The following RAB11FIP5 variants were observed in gnomAD, a reference collection of about 807,000 sequenced individuals.
The protein encoded by RAB11FIP5 is RAB11 family interacting protein 5, also known as rab11 family-interacting protein 5.
In RAB11FIP5, 48 loss-of-function variants were observed where a neutral mutation model predicts 85.1. The ratio of observed to expected loss-of-function variants is 0.56; its 90% CI spans 0.45 to 0.72. The LOEUF (loss-of-function observed/expected upper bound fraction) is 0.72, where lower values mean the gene tolerates loss of function less well. RAB11FIP5 is among the 30% of genes least tolerant of loss of function. The probability of loss-of-function intolerance (pLI) is 0.00; values close to 1 mark genes in which losing one functional copy is unlikely to be tolerated. For synonymous variants in RAB11FIP5, 729 were observed against 727.3 expected, an observed-to-expected ratio of 1.00 and a Z score of -0.04; for missense variants, 1,491 against 1,687.0, an observed-to-expected ratio of 0.88 and a Z score of 2.04.
Position 73,088,234 on chromosome 2 carries a change from T to A in RAB11FIP5, c.1384A>T (p.Met462Leu). The change falls in exon 3 of 6, where the codon ATG becomes TTG. Residue 462 changes from methionine to leucine, a missense_variant. Transcript: ENST00000486777. ...TGGTGGTGGTGGTGGAAGAGACCCA[T>A]CCGGGGCTTGCGTTCCTCCTTCCGG... is the stretch of plus-strand genomic sequence containing the variant. ...GARKEERKPR[M>L]GLFHHHHQGL... 1 of 1,613,874 alleles carries A rather than the reference T, an allele frequency of 6.2e-7. No homozygotes were observed. Among genetic ancestry groups the A allele is most frequent in the South Asian group, 1.1e-5 (1 of 91,080 alleles).
intron 1 of RAB11FIP5, among the ~76,000 whole-genome samples, chr2:73,110,091 A>G (rs1684609247): frequency 6.6e-6 from 1 of 152,150 alleles, no homozygotes; most frequent in Non-Finnish European, 1.5e-5. Flanking sequence ...CTTCCTAACC[A>G]TAAGGGTACC....
At chr2:73,110,771 C>A (rs1333857488) in intron 1 of RAB11FIP5, among the ~76,000 whole-genome samples, 2 of 152,002 alleles carry the variant, frequency 1.3e-5, no homozygotes, top group Non-Finnish European at 1.5e-5. Flanking sequence ...AGGCCTGGAG[C>A]CTTTTTTTGG....
intron 1 of RAB11FIP5, among the ~76,000 whole-genome samples, chr2:73,096,230 T>C (rs921536371): frequency 1.3e-5 from 2 of 152,222 alleles, no homozygotes; most frequent in African/African-American, 2.4e-5. Context: ...TAGTTACTCC[T>C]GCTGGTGGGG....
At position 73,080,787 on chromosome 2, in the gene RAB11FIP5, G is replaced by C; in HGVS notation, c.2445C>G (p.Ser815=). The part of the protein sequence containing the change: ...ESAAEGQDDE[S]SRGENQLCPD... ...GGCAAAGCTGATTTTCGCCTCGGGAGGACTCATCGTCCTGGCCCTCAGCAG... is the reference window on the plus strand; with the variant it reads ...GGCAAAGCTGATTTTCGCCTCGGGACGACTCATCGTCCTGGCCCTCAGCAG... Residue 815 remains serine (S), a synonymous_variant, in exon 4 of 6, where the codon TCC becomes TCG. Transcript: ENST00000486777. 1.6e-6 allele frequency: 2 copies of C among 1,232,400 alleles called. No homozygotes were observed. Among genetic ancestry groups the C allele is most frequent in the Non-Finnish European group, 1.0e-6 (1 of 988,096 alleles). The allele number at this position is 1,232,400 out of a possible 1,614,324, so 76.3% of individuals were successfully genotyped here.
Position 73,080,276 on chromosome 2 carries a change from C to T in RAB11FIP5, c.2956G>A (p.Val986Met), listed in dbSNP as rs1683946273. 2 of 1,233,008 alleles carry T rather than the reference C, an allele frequency of 1.6e-6. No individual in the cohort carries two copies. Among genetic ancestry groups the T allele is most frequent in the Non-Finnish European group, 2.0e-6 (2 of 988,706 alleles). The allele number at this position is 1,233,008 out of a possible 1,614,324, so 76.4% of individuals were successfully genotyped here. ...GGTGCAGACAGGCAGGGCCCAGACA[C>T]AGGGGGGCTGGCATCCTCCACTAGC... ...EELVEDASPPVSGPCLSAPAS... is the reference protein window; with the variant it reads ...EELVEDASPPMSGPCLSAPAS... The change falls in exon 4 of 6, where the codon GTG becomes ATG. Residue 986 changes from valine to methionine, a missense_variant. Physicochemically the swap from Val to Met is conservative, Grantham distance 21. Transcript: ENST00000486777.
intron 1 of RAB11FIP5, among the ~76,000 whole-genome samples, chr2:73,104,767 T>G (rs1684491678): frequency 6.6e-6 from 1 of 152,124 alleles, no homozygotes; most frequent in Admixed American, 6.6e-5. Context: ...GCCTCACCTC[T>G]CCCAAGAAGC....
Position 73,080,819 on chromosome 2 carries a change from C to T in RAB11FIP5, c.2413G>A (p.Glu805Lys). 8.1e-7 allele frequency: 1 copy of T among 1,232,366 alleles called. No individual in the cohort carries two copies. Among genetic ancestry groups the T allele is most frequent in the South Asian group, 4.1e-5 (1 of 24,314 alleles). 76.3% of individuals were successfully genotyped at this position (1,232,366 alleles called of 1,614,324 possible). A position where few individuals can be genotyped will look rare whatever the true frequency, so the allele number is the denominator to read the frequency against. The change falls in exon 4 of 6, where the codon GAG becomes AAG. Residue 805 changes from glutamate (E) to lysine (K), a missense_variant. By Grantham distance (56) the Glu-to-Lys change is moderately conservative. This residue lies in a region of RAB11FIP5 where 1,211 missense variants were observed against 1,338.0 expected (regional missense o/e 0.91). Coordinates refer to ENST00000486777, the MANE Select transcript of RAB11FIP5 (RefSeq NM_001371272.1). Reference protein sequence around the residue: ...ISVWERLPGPESAAEGQDDES... With the variant: ...ISVWERLPGPKSAAEGQDDES... ...TCGTCCTGGCCCTCAGCAGCGCTCTCTGGGCCCGGCAGCCTCTCCCACACA... is the reference window on the plus strand; with the variant it reads ...TCGTCCTGGCCCTCAGCAGCGCTCTTTGGGCCCGGCAGCCTCTCCCACACA...
In RAB11FIP5 at chr2:73,112,772, G is replaced by A; in HGVS notation, c.6C>T (p.Ala2=). 5.6e-6 allele frequency: 8 copies of A among 1,434,164 alleles called. No homozygotes were observed. Among genetic ancestry groups the A allele is most frequent in the Non-Finnish European group, 6.4e-6 (7 of 1,101,934 alleles). 88.8% of individuals were successfully genotyped at this position (1,434,164 alleles called of 1,614,324 possible). The stretch of plus-strand genomic sequence containing the variant: ...CCGCCGGCTCCGCGCCCCGCACCAG[G>A]GCCATGGCGGAGAAGCGGGGGGCGA... M[A]LVRGAEPAAG... The change falls in exon 1 of 6, where the codon GCC becomes GCT. Residue 2 remains alanine (A), a synonymous_variant. Transcript: ENST00000486777.
rs1313876280 is a variant in RAB11FIP5, at chr2:73,089,481, T to G, written c.432-166A>C. On this transcript the variant is annotated intron_variant, in intron 1 of 5. Transcript: ENST00000486777. The surrounding 1 kb of genome is among the most constrained non-coding windows in gnomAD (Gnocchi z 4.6). Reference sequence around the variant, plus strand: ...TCGGCCTGGGCTTCCAGGCTTCAGATGCAGCTGAGAAACTATCCAAAACAT... The same window carrying G: ...TCGGCCTGGGCTTCCAGGCTTCAGAGGCAGCTGAGAAACTATCCAAAACAT... 2 of 759,222 alleles carry G rather than the reference T, an allele frequency of 2.6e-6. No individual in the cohort carries two copies. The highest frequency in any genetic ancestry group is 4.7e-6 in the Non-Finnish European group (2 of 427,440). 47.0% of individuals were successfully genotyped at this position (759,222 alleles called of 1,614,324 possible).
At chr2:73,094,046 G>A (rs1168213155) in intron 1 of RAB11FIP5, among the ~76,000 whole-genome samples, 1 of 150,932 alleles carries the variant, frequency 6.6e-6, no homozygotes, top group Non-Finnish European at 1.5e-5. Context: ...ACTTGAACCT[G>A]GGAAGCGGAA....
At chr2:73,106,662 C>T (rs1200371922) in intron 1 of RAB11FIP5, among the ~76,000 whole-genome samples, 2 of 152,238 alleles carry the variant, frequency 1.3e-5, no homozygotes, top group African/African-American at 2.4e-5. Flanking sequence ...GCTCCAAATG[C>T]CACCTCTTCT....
At chr2:73,107,412 G>C (rs1293844542) in intron 1 of RAB11FIP5, among the ~76,000 whole-genome samples, 1 of 152,194 alleles carries the variant, frequency 6.6e-6, no homozygotes, top group Non-Finnish European at 1.5e-5. Context: ...CAGCAGAGAA[G>C]GACAGCCCTC....
intron 3 of RAB11FIP5, among the ~76,000 whole-genome samples, chr2:73,087,832 T>G (rs111291475): frequency 1.3e-5 from 2 of 152,094 alleles, no homozygotes; most frequent in Non-Finnish European, 2.9e-5. Flanking sequence ...CCTCAATCCA[T>G]AGGACTCTCA....
chr2:73,079,759 C>A lies in RAB11FIP5; in HGVS notation c.3473G>T (p.Gly1158Val). The A allele has an allele frequency of 1.6e-6, 2 of 1,232,490 alleles. No individual in the cohort carries two copies. The highest frequency in any genetic ancestry group is 4.2e-5 in the Admixed American group (1 of 23,724). The allele number at this position is 1,232,490 out of a possible 1,614,324, so 76.3% of individuals were successfully genotyped here. A position where few individuals can be genotyped will look rare whatever the true frequency, so the allele number is the denominator to read the frequency against. ...GTCCTCCCTAAGTAGGGCAGGGGAGCCCCCAGGTGGGGAGGGCTCATGGGG... is the reference window on the plus strand; with the variant it reads ...GTCCTCCCTAAGTAGGGCAGGGGAGACCCCAGGTGGGGAGGGCTCATGGGG... ...PGPHEPSPPGGSPALLREDLA... is the reference protein window; with the variant it reads ...PGPHEPSPPGVSPALLREDLA... The change falls in exon 4 of 6, where the codon GGC becomes GTC. Residue 1158 changes from glycine (G) to valine (V), a missense_variant. Transcript: ENST00000486777.
At chr2:73,109,815 G>A (rs1396543332) in intron 1 of RAB11FIP5, among the ~76,000 whole-genome samples, 1 of 152,192 alleles carries the variant, frequency 6.6e-6, no homozygotes, top group Admixed American at 6.5e-5. Context: ...GTTCTAGACT[G>A]TCTCCCCCAT....
chr2:73,101,513 T>A lies in RAB11FIP5; in HGVS notation c.431+10834A>T, dbSNP rs375007691. On this transcript the variant is annotated intron_variant, in intron 1 of 5. Coordinates refer to ENST00000486777, the MANE Select transcript of RAB11FIP5 (RefSeq NM_001371272.1). Reference sequence around the variant, plus strand: ...TTTTTTCTAAAGGCACCCAAATCTGTTGGAGTGGGCTGGAGAGGCATACTG... The same window carrying A: ...TTTTTTCTAAAGGCACCCAAATCTGATGGAGTGGGCTGGAGAGGCATACTG... Among the ~76,000 whole-genome samples the A allele has an allele frequency of 2.0e-5, 3 of 152,246 alleles. No homozygotes were observed. The East Asian group carries it at 5.8e-4, about 29-fold the overall frequency.
rs202050000 is a variant in RAB11FIP5 at position 73,088,489 on chromosome 2, C to G, written c.1129G>C (p.Glu377Gln). ...SLQAVSSRFSEEGPRSTDDTW... is the reference protein window; with the variant it reads ...SLQAVSSRFSQEGPRSTDDTW... ...TCATCTGTGGAACGAGGCCCCTCCTCGGAGAACCGGGAAGAGACAGCTTGC... is the reference window on the plus strand; with the variant it reads ...TCATCTGTGGAACGAGGCCCCTCCTGGGAGAACCGGGAAGAGACAGCTTGC... Residue 377 changes from glutamate (E) to glutamine (Q), a missense_variant, in exon 3 of 6, where the codon GAG becomes CAG. Glu to Gln is a conservative substitution (Grantham distance 29). Coordinates refer to ENST00000486777, the MANE Select transcript of RAB11FIP5 (RefSeq NM_001371272.1). 13 of 1,613,984 alleles carry G rather than the reference C, an allele frequency of 8.1e-6. No homozygotes were observed. The highest frequency in any genetic ancestry group is 1.1e-5 in the Non-Finnish European group (13 of 1,180,048).
At chr2:73,091,867 T>C (rs1314416305) in intron 1 of RAB11FIP5, among the ~76,000 whole-genome samples, 1 of 151,682 alleles carries the variant, frequency 6.6e-6, no homozygotes, top group Non-Finnish European at 1.5e-5. Context: ...TGAGAGACAA[T>C]CCCCTGAGAA....
chr2:73,106,107 G>C (rs1684521914), intron 1 of RAB11FIP5, among the ~76,000 whole-genome samples: 2 of 152,164 alleles, frequency 1.3e-5, no homozygotes, highest in Non-Finnish European at 2.9e-5. Context: ...TCCGTGCCAA[G>C]GTTTCCTCAG....
Sources: gnomAD v4.1 joint callset for allele counts (sites outside exome capture counted in the v4.1 genomes callset) on GRCh38, gnomAD v4.1.1 for gene constraint, gnomAD v4.1.1 regional missense constraint, Gnocchi (gnomAD v3.1) non-coding constraint, MANE v1.5 for transcripts, NCBI Gene and HGNC (gene_info 2026-07-23, HGNC 2026-07-21) for gene names.